UGGT2: variants seen among roughly 807,000 people sequenced by gnomAD.
UGGT2 encodes UDP-glucose glycoprotein glucosyltransferase 2, also known as UDP-glucose:glycoprotein glucosyltransferase 2.
A neutral mutation model predicts 192.1 loss-of-function variants in UGGT2; 180 were observed. The observed-to-expected ratio is 0.94, with a 90% confidence interval of 0.83 to 1.06. The LOEUF is 1.06. Among genes scored for constraint, UGGT2 ranks in the 50% least tolerant of loss-of-function variants. The pLI is 0.00. For synonymous variants in UGGT2, 580 were observed against 591.0 expected (o/e 0.98, Z 0.27); for missense variants, 1,849 against 1,795.7 (o/e 1.03, Z -0.54).
rs769546604 is a variant in UGGT2, at chr13:95,947,999, AG to A, written c.1537del (p.Arg514GlufsTer44). The A allele has an allele frequency of 1.9e-6, 3 of 1,610,958 alleles. No individual in the cohort carries two copies. The African/African-American group carries it at 4.0e-5, about 22-fold the overall frequency. ...ADVFYSHEVP[L>X]RIGFVFILNT... is the part of the protein sequence containing the mutation. The stretch of plus-strand genomic sequence containing the variant: ...AATGCTATAAAATGACAATTACCTA[AG>A]AGGAACTTCGTGAGAATAGAAAACA... On this transcript the variant is annotated frameshift_variant, in exon 14 of 39. Transcript: ENST00000376747. LOFTEE classifies it high-confidence loss of function.
intron 14 of UGGT2, among the ~76,000 whole-genome samples, chr13:95,947,671 G>C (rs977979990): frequency 7.2e-6 from 1 of 139,036 alleles, no homozygotes; most frequent in Non-Finnish European, 1.5e-5. Context: ...GGCTGGTCTT[G>C]AACCCCTGAC....
chr13:95,944,744 A>G (rs1304281641), intron 15 of UGGT2, among the ~76,000 whole-genome samples: 1 of 152,006 alleles, frequency 6.6e-6, no homozygotes, highest in East Asian at 1.9e-4. Context: ...ACTAAAAGAC[A>G]TATTTTCCTC....
chr13:95,951,454 A>G (rs1000072913), intron 12 of UGGT2, among the ~76,000 whole-genome samples: 3 of 152,204 alleles, frequency 2.0e-5, no homozygotes, highest in African/African-American at 7.2e-5. Context: ...TCTTGACCCA[A>G]AGGCAGCTGA....
chr13:95,959,478 A>G (rs2050319450), intron 12 of UGGT2, among the ~76,000 whole-genome samples: 1 of 151,984 alleles, frequency 6.6e-6, no homozygotes, highest in Non-Finnish European at 1.5e-5. Context: ...GGGCCTAAGA[A>G]CCATCTTGCC....
At position 95,997,944 on chromosome 13, in the gene UGGT2, G is replaced by A. The variant is rs115926266; in HGVS notation, c.757+1267C>T. Reference sequence around the variant, plus strand: ...TCTGAATTTTTGAGAGAGGTTATAGGGAGCCACTAAAGGATTTAACCAGTG... The same window carrying A: ...TCTGAATTTTTGAGAGAGGTTATAGAGAGCCACTAAAGGATTTAACCAGTG... On this transcript the variant is annotated intron_variant, in intron 6 of 38. Coordinates refer to ENST00000376747, the MANE Select transcript of UGGT2 (RefSeq NM_020121.4). 6.4e-3 allele frequency among the ~76,000 whole-genome samples: 977 copies of A among 152,258 alleles called. 9 individuals carry two copies. Among genetic ancestry groups the A allele is most frequent in the African/African-American group, 0.023 (939 of 41,554 alleles).
At chr13:96,038,573 T>C (rs2053073438) in intron 1 of UGGT2, among the ~76,000 whole-genome samples, 1 of 152,212 alleles carries the variant, frequency 6.6e-6, no homozygotes, top group Admixed American at 6.5e-5. Context: ...TCTGCTGAGA[T>C]GGTTGAGTGG....
intron 1 of UGGT2, among the ~76,000 whole-genome samples, chr13:96,039,826 C>T (rs913962921): frequency 6.6e-6 from 1 of 152,162 alleles, no homozygotes; most frequent in Non-Finnish European, 1.5e-5. Flanking sequence ...CAAGGGTTAC[C>T]TTTCTTCTAG....
chr13:95,832,587 C>A, intron 38 of UGGT2: 1 of 343,036 alleles, frequency 2.9e-6, no homozygotes, highest in Non-Finnish European at 5.7e-6. Flanking sequence ...ATTTTTAGGA[C>A]TTGCTCAAAT....
At chr13:95,877,548 C>T in intron 28 of UGGT2, 150 bp downstream of exon 28, 1 of 1,058,848 alleles carries the variant, frequency 9.4e-7, no homozygotes. Flanking sequence ...TGATTTTCCC[C>T]ATTTTTTATT....
chr13:96,006,952 G>A (rs916160127), intron 5 of UGGT2, among the ~76,000 whole-genome samples: 1 of 152,088 alleles, frequency 6.6e-6, no homozygotes, highest in African/African-American at 2.4e-5. Context: ...TAGGAGGCCA[G>A]CATTACCTCA....
intron 15 of UGGT2, among the ~76,000 whole-genome samples, chr13:95,940,853 A>G (rs960524642): frequency 1.3e-5 from 2 of 152,132 alleles, no homozygotes; most frequent in African/African-American, 4.8e-5. Context: ...TCGGCCTCCC[A>G]AATAGTTGAG....
chr13:96,045,198 T>C (rs2053272684), intron 1 of UGGT2, among the ~76,000 whole-genome samples: 1 of 152,172 alleles, frequency 6.6e-6, no homozygotes, highest in Non-Finnish European at 1.5e-5. Flanking sequence ...AGTCAATAAA[T>C]GTGATACACC....
At chr13:96,038,216 C>T (rs2053062639) in intron 1 of UGGT2, among the ~76,000 whole-genome samples, 2 of 152,202 alleles carry the variant, frequency 1.3e-5, no homozygotes, top group Admixed American at 1.3e-4. Flanking sequence ...ATTAGCATTA[C>T]TGAGTACCCA....
At chr13:95,803,686 T>C (rs367718290) in intron 38 of UGGT2, among the ~76,000 whole-genome samples, 32 of 152,268 alleles carry the variant, frequency 2.1e-4, no homozygotes, top group African/African-American at 7.0e-4. Flanking sequence ...AGCCTGCCAG[T>C]TGTACACCGT....
chr13:95,955,890 T>A lies in UGGT2; in HGVS notation c.1336-6436A>T, dbSNP rs572944896. ...TAATATGATGTCACAGTTACAAGCA[T>A]GAGTTCAAATAACCTTTTAGTGTCT... is the stretch of plus-strand genomic sequence containing the variant. On this transcript the variant is annotated intron_variant, in intron 12 of 38. Transcript: ENST00000376747. Among the ~76,000 whole-genome samples the A allele has an allele frequency of 2.4e-4, 36 of 152,330 alleles. 1 individual carries two copies. Among genetic ancestry groups the A allele is most frequent in the African/African-American group, 7.9e-4 (33 of 41,580 alleles).
chr13:95,882,102 G>A (rs1207219251), intron 27 of UGGT2, among the ~76,000 whole-genome samples: 1 of 151,800 alleles, frequency 6.6e-6, no homozygotes, highest in Non-Finnish European at 1.5e-5. Flanking sequence ...AGAGATGGAG[G>A]TTTCACCATG....
chr13:96,051,521 G>A (rs543179846), intron 1 of UGGT2, among the ~76,000 whole-genome samples: 6 of 152,010 alleles, frequency 3.9e-5, no homozygotes, highest in East Asian at 1.9e-4. Context: ...GCTTTTGCAC[G>A]GCAAAAGGAA....
At chr13:95,825,057 T>C (rs1277509509) in intron 38 of UGGT2, among the ~76,000 whole-genome samples, 1 of 152,190 alleles carries the variant, frequency 6.6e-6, no homozygotes, top group East Asian at 1.9e-4. Context: ...GTGGAGAGTC[T>C]TTCTATGATG....
chr13:96,050,345 A>G (rs2053449020), intron 1 of UGGT2, among the ~76,000 whole-genome samples: 1 of 152,224 alleles, frequency 6.6e-6, no homozygotes, highest in Non-Finnish European at 1.5e-5. Context: ...TGGACTAAAG[A>G]CTTAAATGTT....
Sources: gnomAD v4.1 joint callset for allele counts (sites outside exome capture counted in the v4.1 genomes callset) on GRCh38, gnomAD v4.1.1 for gene constraint, MANE v1.5 for transcripts, NCBI Gene and HGNC (gene_info 2026-07-23, HGNC 2026-07-21) for gene names.